Variants in DAZAP1 observed in about 807,000 individuals in gnomAD.
DAZAP1 encodes DAZ-associated protein 1.
In DAZAP1, 6 loss-of-function variants were observed where a neutral mutation model predicts 60.1. That is an observed-to-expected ratio of 0.10 (90% confidence interval 0.05 to 0.20). The LOEUF is 0.20. DAZAP1 is among the 10% of genes least tolerant of loss of function. The pLI is 1.00. For missense variants in DAZAP1, 366 were observed against 560.4 expected, an observed-to-expected ratio of 0.65 and a Z score of 3.50; for synonymous variants, 235 against 215.9, an observed-to-expected ratio of 1.09 and a Z score of -0.78.
At position 1,418,146 on chromosome 19, in the gene DAZAP1, G is replaced by T. The variant is rs2083042723; in HGVS notation, c.71-58G>T. 2.5e-6 allele frequency: 4 copies of T among 1,583,274 alleles called. No homozygotes were observed. Among genetic ancestry groups the T allele is most frequent in the Non-Finnish European group, 3.5e-6 (4 of 1,155,060 alleles). On this transcript the variant is annotated intron_variant, in intron 2 of 11. Transcript: ENST00000233078. The surrounding 1 kb of genome is among the most constrained non-coding windows in gnomAD (Gnocchi z 5.7). ...GTGTGCGTGCCGGCAGCACTGCCAG[G>T]CACGTGCCTAATGCTCTGGCCCTGT...
At chr19:1,410,930 T>C (rs1170227042) in intron 1 of DAZAP1, among the ~76,000 whole-genome samples, 1 of 152,216 alleles carries the variant, frequency 6.6e-6, no homozygotes, top group Non-Finnish European at 1.5e-5. Flanking sequence ...GCTTCGAGGA[T>C]ACCCAGGACT....
chr19:1,408,760 C>T lies in DAZAP1; in HGVS notation c.29+958C>T, dbSNP rs188944880. ...TAGGAGCCTGACCTGCTCCGGACCCCGCGGGGCCGGGAAACCTCATTTCGC... is the reference window on the plus strand; with the variant it reads ...TAGGAGCCTGACCTGCTCCGGACCCTGCGGGGCCGGGAAACCTCATTTCGC... On this transcript the variant is annotated intron_variant, in intron 1 of 11. Transcript: ENST00000233078. 9.2e-3 allele frequency among the ~76,000 whole-genome samples: 1,408 copies of T among 152,380 alleles called. 21 individuals are homozygous for T. Among genetic ancestry groups the T allele is most frequent in the African/African-American group, 0.032 (1,330 of 41,598 alleles).
At chr19:1,415,616 T>C (rs2082960256) in intron 1 of DAZAP1, 1 of 151,664 alleles carries the variant, frequency 6.6e-6, no homozygotes. Context: ...GCACAGCCTA[T>C]GGAGAGTGAG....
At position 1,430,256 on chromosome 19, in the gene DAZAP1, C is replaced by A. The variant is rs1458193320; in HGVS notation, c.765C>A (p.Ala255=). The change falls in exon 10 of 12, where the codon GCC becomes GCA. Residue 255 remains alanine (A), a synonymous_variant. Transcript: ENST00000233078. ...GACCGCCCCCTGCAGGAAGAGGAGC[C>A]CCCCCGCCACCCCCACCGTTCACCT... The part of the protein sequence containing the change: ...GYGPPPAGRG[A]PPPPPPFTSY... The A allele has an allele frequency of 1.6e-5, 17 of 1,088,788 alleles. No individual in the cohort carries two copies. The highest frequency in any genetic ancestry group is 2.2e-5 in the Non-Finnish European group (16 of 735,558). The allele number at this position is 1,088,788 out of a possible 1,614,324, so 67.4% of individuals were successfully genotyped here. A position where few individuals can be genotyped will look rare whatever the true frequency, so the allele number is the denominator to read the frequency against.
chr19:1,429,378 G>A (rs938499319), intron 8 of DAZAP1, among the ~76,000 whole-genome samples: 4 of 152,322 alleles, frequency 2.6e-5, no homozygotes, highest in Admixed American at 1.3e-4. Flanking sequence ...TTGAGGAGCC[G>A]GCAGGCTTTG....
chr19:1,421,013 G>T, intron 4 of DAZAP1, 135 bp from the exon 5 acceptor site: 1 of 701,416 alleles, frequency 1.4e-6, no homozygotes, highest in Admixed American at 2.3e-5. Context: ...GGACTTAGCG[G>T]GCTTGTGGAG....
At chr19:1,421,030 G>C (rs1382628662) in intron 4 of DAZAP1, 118 bp from the exon 5 acceptor site, 5 of 828,350 alleles carry the variant, frequency 6.0e-6, no homozygotes, top group Non-Finnish European at 1.0e-5. Flanking sequence ...GGAGTGTTCT[G>C]CTCTGGCTTT....
chr19:1,412,132 C>T (rs1000909365), intron 1 of DAZAP1, among the ~76,000 whole-genome samples: 20 of 152,190 alleles, frequency 1.3e-4, no homozygotes, highest in Non-Finnish European at 2.8e-4. Context: ...TCAGGGGCTC[C>T]TTCAGCACAC....
At position 1,433,816 on chromosome 19, in the gene DAZAP1, G is replaced by A; in HGVS notation, c.1049-921G>A. 6.2e-7 allele frequency: 1 copy of A among 1,613,918 alleles called. No homozygotes were observed. The highest frequency in any genetic ancestry group is 8.5e-7 in the Non-Finnish European group (1 of 1,179,842). On this transcript the variant is annotated intron_variant, in intron 11 of 11. Coordinates refer to ENST00000233078, the MANE Select transcript of DAZAP1 (RefSeq NM_018959.4). The surrounding 1 kb of genome is among the most constrained non-coding windows in gnomAD (Gnocchi z 6.1). ...CAGTCTTATGGTCAGGCTGAGCAGT[G>A]ATGTGGCCTAGGTAGGTGCCGCCTC...
rs753117347 is a variant in DAZAP1, at chr19:1,433,706, T to C, written c.1048+1016T>C. The C allele has an allele frequency of 3.8e-6, 6 of 1,590,500 alleles. No homozygotes were observed. The East Asian group carries it at 1.1e-4, about 30-fold the overall frequency. On this transcript the variant is annotated intron_variant, in intron 11 of 11. Transcript: ENST00000233078. The surrounding 1 kb of genome is among the most constrained non-coding windows in gnomAD (Gnocchi z 6.1). ...GCCGCTGCTCTTGGTGGCGGCTGCTTGGGTTGGTCACCCTGGTCTCGTCTC... is the reference window on the plus strand; with the variant it reads ...GCCGCTGCTCTTGGTGGCGGCTGCTCGGGTTGGTCACCCTGGTCTCGTCTC...
rs1248095717 is a variant in DAZAP1 at position 1,421,153 on chromosome 19, A to G, written c.309A>G (p.Lys103=). 2 of 1,613,810 alleles carry G rather than the reference A, an allele frequency of 1.2e-6. No individual in the cohort carries two copies. The highest frequency in any genetic ancestry group is 1.7e-5 in the Admixed American group (1 of 60,000). The change falls in exon 5 of 12, where the codon AAA becomes AAG. Residue 103 remains lysine, a synonymous_variant. Coordinates refer to ENST00000233078, the MANE Select transcript of DAZAP1 (RefSeq NM_018959.4). ...ERTRPKEGWQ[K]GPRSDNSKSN... is the part of the protein sequence containing the mutation. The stretch of plus-strand genomic sequence containing the variant: ...ATCCTTCCCTTCTTCAACAGCAGAA[A>G]GGACCCAGGAGCGATAACAGTAAAT...
At chr19:1,424,567 G>A (rs1284627430) in intron 6 of DAZAP1, among the ~76,000 whole-genome samples, 1 of 151,660 alleles carries the variant, frequency 6.6e-6, no homozygotes, top group Non-Finnish European at 1.5e-5. Flanking sequence ...AGCAGCCCTG[G>A]CCCCTGTCTC....
chr19:1,409,959 CT>C (rs1380883932), intron 1 of DAZAP1: 1 of 152,358 alleles, frequency 6.6e-6, no homozygotes, highest in Non-Finnish European at 1.5e-5. Flanking sequence ...GCTTGGAGGG[CT>C]GGGCCTGGAG....
chr19:1,431,885 G>T (rs1042166898), intron 10 of DAZAP1, among the ~76,000 whole-genome samples: 3 of 152,172 alleles, frequency 2.0e-5, no homozygotes, highest in African/African-American at 7.2e-5. Flanking sequence ...GACAATTGGG[G>T]CATATCACAG....
At chr19:1,410,215 G>A (rs1440835228) in intron 1 of DAZAP1, 1 of 152,274 alleles carries the variant, frequency 6.6e-6, no homozygotes, top group African/African-American at 2.4e-5. Context: ...GAGGCCTGCC[G>A]GTGATAACGG....
chr19:1,422,540 T>C lies in DAZAP1; in HGVS notation c.463+144T>C. On this transcript the variant is annotated intron_variant, in intron 6 of 11. Coordinates refer to ENST00000233078, the MANE Select transcript of DAZAP1 (RefSeq NM_018959.4). This position sits in a 1 kb window ranked among gnomAD's most constrained non-coding sequence, Gnocchi z 4.5. ...GATTTGGAGACAAATGACTAAAACG[T>C]GGGCTCCTCATGTGCACCCCATTCA... 1 of 698,710 alleles carries C rather than the reference T, an allele frequency of 1.4e-6. No homozygotes were observed. The highest frequency in any genetic ancestry group is 2.5e-6 in the Non-Finnish European group (1 of 405,470). The allele number at this position is 698,710 out of a possible 1,614,324, so 43.3% of individuals were successfully genotyped here.
chr19:1,412,475 C>G (rs2082858922), intron 1 of DAZAP1, among the ~76,000 whole-genome samples: 1 of 152,230 alleles, frequency 6.6e-6, no homozygotes, highest in South Asian at 2.1e-4. Flanking sequence ...CAGGTGGGGT[C>G]TGTGGGGAGG....
At position 1,422,222 on chromosome 19, in the gene DAZAP1, C is replaced by A; in HGVS notation, c.415-126C>A. Reference sequence around the variant, plus strand: ...CCACGGAGCAGCTGTTGCCCGTGCACCTCCCCCGCTCAGGGAGGGCGCACC... The same window carrying A: ...CCACGGAGCAGCTGTTGCCCGTGCAACTCCCCCGCTCAGGGAGGGCGCACC... On this transcript the variant is annotated intron_variant, in intron 5 of 11. Transcript: ENST00000233078. This position sits in a 1 kb window ranked among gnomAD's most constrained non-coding sequence, Gnocchi z 4.5. 1 of 806,514 alleles carries A rather than the reference C, an allele frequency of 1.2e-6. No homozygotes were observed. Among genetic ancestry groups the A allele is most frequent in the Non-Finnish European group, 2.0e-6 (1 of 488,970 alleles). The allele number at this position is 806,514 out of a possible 1,614,324, so 50.0% of individuals were successfully genotyped here.
chr19:1,421,903 A>C (rs1397456549), intron 5 of DAZAP1, among the ~76,000 whole-genome samples: 1 of 152,086 alleles, frequency 6.6e-6, no homozygotes, highest in Non-Finnish European at 1.5e-5. Context: ...CTGGAAGAGC[A>C]GGGTCTGCAG....
Sources: gnomAD v4.1 joint callset for allele counts (sites outside exome capture counted in the v4.1 genomes callset) on GRCh38, gnomAD v4.1.1 for gene constraint, Gnocchi (gnomAD v3.1) non-coding constraint, MANE v1.5 for transcripts, NCBI Gene and HGNC (gene_info 2026-07-23, HGNC 2026-07-21) for gene names.